The following KAZN variants were observed in gnomAD, a reference collection of about 807,000 sequenced individuals.
KAZN encodes the protein kazrin, periplakin interacting protein.
In KAZN, 40 loss-of-function variants were observed where a neutral mutation model predicts 87.4. The observed-to-expected ratio is 0.46, with a 90% CI of 0.36 to 0.60. The LOEUF (loss-of-function observed/expected upper bound fraction) is 0.60, where lower values mean the gene tolerates loss of function less well. Ranked by LOEUF, KAZN falls within the 20% of genes least tolerant of loss-of-function variation. KAZN has a pLI of 0.00. For synonymous variants in KAZN, 466 were observed against 458.3 expected, an observed-to-expected ratio of 1.02 and a Z score of -0.22; for missense variants, 898 against 1,073.9, an observed-to-expected ratio of 0.84 and a Z score of 2.29.
intron 2 of KAZN, among the ~76,000 whole-genome samples, chr1:14,366,602 G>A (rs1025861517): frequency 3.9e-5 from 6 of 152,208 alleles, no homozygotes; most frequent in South Asian, 4.1e-4. Context: ...AAGTGTGAGC[G>A]GGTGCAGGAG....
At chr1:14,977,726 G>A (rs939690834) in intron 2 of KAZN, among the ~76,000 whole-genome samples, 26 of 152,136 alleles carry the variant, frequency 1.7e-4, no homozygotes, top group African/African-American at 5.8e-4. Context: ...CCTGGGTGGC[G>A]CCCAGGAGAG....
At chr1:14,318,827 G>A (rs1394289654) in intron 2 of KAZN, among the ~76,000 whole-genome samples, 2 of 151,604 alleles carry the variant, frequency 1.3e-5, no homozygotes, top group African/African-American at 2.4e-5. Flanking sequence ...ATCCAGTTAA[G>A]TCTTAGTTTC....
At chr1:14,838,824 A>G (rs190180714) in intron 1 of KAZN, among the ~76,000 whole-genome samples, 86 of 152,166 alleles carry the variant, frequency 5.7e-4, no homozygotes, top group African/African-American at 2.0e-3. Context: ...GTTTCACTCT[A>G]TTGGCCCGGC....
chr1:13,914,202 G>A (rs1022955152), intron 1 of KAZN, among the ~76,000 whole-genome samples: 4 of 152,204 alleles, frequency 2.6e-5, no homozygotes, highest in Non-Finnish European at 4.4e-5. Context: ...TGCTAAAAAC[G>A]ACAAGGAAAG....
chr1:15,072,969 C>A (rs1050020639), intron 8 of KAZN, among the ~76,000 whole-genome samples: 2 of 152,246 alleles, frequency 1.3e-5, no homozygotes, highest in East Asian at 3.9e-4. Flanking sequence ...AGGAAGAGAC[C>A]GGCAAAATAT....
intron 1 of KAZN, among the ~76,000 whole-genome samples, chr1:14,905,118 G>A (rs1168331773): frequency 1.3e-5 from 2 of 152,190 alleles, no homozygotes; most frequent in South Asian, 2.1e-4. Flanking sequence ...GAGTGCAGTG[G>A]CGTGATCTTG....
chr1:14,340,744 C>T lies in KAZN; in HGVS notation c.249+160152C>T, dbSNP rs537090636. Among the ~76,000 whole-genome samples the T allele has an allele frequency of 1.4e-4, 22 of 152,286 alleles. No individual in the cohort carries two copies. In the East Asian group the frequency reaches 3.7e-3, roughly 25 times the overall value. On this transcript the variant is annotated intron_variant, in intron 2 of 16. Transcript: ENST00000636203. ...TTTTGCCTTCATTTGCCATTTATTC[C>T]AGCATCCCTGATCTGTAAGTGTGTC...
intron 2 of KAZN, among the ~76,000 whole-genome samples, chr1:14,364,637 C>T (rs1659816599): frequency 6.6e-6 from 1 of 152,116 alleles, no homozygotes; most frequent in Non-Finnish European, 1.5e-5. Context: ...ATATTTATTT[C>T]CTGGGGCTGC....
intron 2 of KAZN, among the ~76,000 whole-genome samples, chr1:14,358,175 C>A (rs905920958): frequency 1.3e-5 from 2 of 152,042 alleles, no homozygotes; most frequent in African/African-American, 4.8e-5. Context: ...GGAATTTACC[C>A]ATTTCTTCTA....
rs539177552 is a variant in KAZN at position 14,426,731 on chromosome 1, C to T, written c.250-172252C>T. 3.9e-3 allele frequency among the ~76,000 whole-genome samples: 600 copies of T among 152,278 alleles called. 4 individuals carry two copies. Among genetic ancestry groups the T allele is most frequent in the Non-Finnish European group, 7.1e-3 (483 of 68,032 alleles). On this transcript the variant is annotated intron_variant, in intron 2 of 16. Transcript: ENST00000636203. ...CTAGAAAGCCAAATGTCCAGCCCCT[C>T]CCGCTCCATCCAGTGCCTCCCAAGC...
chr1:14,263,469 A>G (rs1229964041), intron 2 of KAZN, among the ~76,000 whole-genome samples: 1 of 152,164 alleles, frequency 6.6e-6, no homozygotes, highest in Non-Finnish European at 1.5e-5. Context: ...TGGTTGACAA[A>G]CATATTAGTC....
intron 2 of KAZN, among the ~76,000 whole-genome samples, chr1:15,032,348 A>T (rs1445348947): frequency 1.3e-5 from 2 of 151,348 alleles, no homozygotes; most frequent in African/African-American, 2.4e-5. Context: ...ACCTGCCACT[A>T]CGCCCGGCTA....
intron 2 of KAZN, among the ~76,000 whole-genome samples, chr1:14,415,396 T>C (rs1664665359): frequency 6.6e-6 from 1 of 152,310 alleles, no homozygotes; most frequent in South Asian, 2.1e-4. Context: ...GTAAATTTGC[T>C]GTCTCAGATG....
Position 14,856,410 on chromosome 1 carries a change from T to C in KAZN, c.227-104274T>C, listed in dbSNP as rs571177719. 3.3e-5 allele frequency among the ~76,000 whole-genome samples: 5 copies of C among 152,298 alleles called. No individual in the cohort carries two copies. Among genetic ancestry groups the C allele is most frequent in the South Asian group, 2.1e-4 (1 of 4,820 alleles). ...TAAGGAATTTTGAAGAAGGAGGCAA[T>C]ATTTCCATAGGTGGCATAGCTAAAG... On this transcript the variant is annotated intron_variant, in intron 1 of 14. Transcript: ENST00000376030. The surrounding 1 kb of genome is among the most constrained non-coding windows in gnomAD (Gnocchi z 5.2).
intron 1 of KAZN, among the ~76,000 whole-genome samples, chr1:14,144,807 G>A (rs985001446): frequency 1.3e-5 from 2 of 152,138 alleles, no homozygotes; most frequent in Non-Finnish European, 2.9e-5. Context: ...GTGGGGGGAA[G>A]TTCCAGGCTC....
At chr1:14,212,211 C>T (rs1298921669) in intron 2 of KAZN, among the ~76,000 whole-genome samples, 1 of 152,152 alleles carries the variant, frequency 6.6e-6, no homozygotes, top group Non-Finnish European at 1.5e-5. Flanking sequence ...TGGCATCATC[C>T]CCTGCTAGGA....
At position 15,081,300 on chromosome 1, in the gene KAZN, A is replaced by G. The variant is rs182520562; in HGVS notation, c.1223-12880A>G. On this transcript the variant is annotated intron_variant, in intron 8 of 14. Coordinates refer to ENST00000376030, the MANE Select transcript of KAZN (RefSeq NM_201628.3). The surrounding 1 kb of genome is among the most constrained non-coding windows in gnomAD (Gnocchi z 4.1). ...CTGCCGGTCACTGAAATTGGCCACA[A>G]TAGGAGTATTTACACCACAGAAATT... Among the ~76,000 whole-genome samples the G allele has an allele frequency of 1.3e-5, 2 of 152,326 alleles. No individual in the cohort carries two copies. Among genetic ancestry groups the G allele is most frequent in the Non-Finnish European group, 2.9e-5 (2 of 68,030 alleles).
chr1:13,966,055 T>G (rs1641930930), intron 1 of KAZN, among the ~76,000 whole-genome samples: 1 of 152,130 alleles, frequency 6.6e-6, no homozygotes, highest in African/African-American at 2.4e-5. Flanking sequence ...CAAGTCCTTC[T>G]TTCTCATCAG....
Position 14,501,941 on chromosome 1 carries a change from T to C in KAZN, c.250-97042T>C, listed in dbSNP as rs779910114. Among the ~76,000 whole-genome samples, 85 of 152,312 alleles carry C rather than the reference T, an allele frequency of 5.6e-4. 2 individuals carry two copies. Among genetic ancestry groups the C allele is most frequent in the Middle Eastern group, 6.8e-3 (2 of 294 alleles). On this transcript the variant is annotated intron_variant, in intron 2 of 16. Transcript: ENST00000636203. ...AAATCAATAGAAACAGCAGATCAGT[T>C]CTTCCTGGGACCAAGGGAGGGGAGA...
Sources: gnomAD v4.1 joint callset for allele counts (sites outside exome capture counted in the v4.1 genomes callset) on GRCh38, gnomAD v4.1.1 for gene constraint, Gnocchi (gnomAD v3.1) non-coding constraint, MANE v1.5 for transcripts, NCBI Gene and HGNC (gene_info 2026-07-23, HGNC 2026-07-21) for gene names.